Variants in MYH10 observed in about 807,000 individuals in gnomAD.
MYH10 encodes myosin-10.
Under a neutral mutation model 257.8 loss-of-function variants are expected in MYH10, and 55 were observed. The observed-to-expected ratio is 0.21, with a 90% CI of 0.17 to 0.27. MYH10 has a LOEUF of 0.27. MYH10 is among the 10% of genes least tolerant of loss of function. The pLI is 1.00. For synonymous variants in MYH10, 854 were observed against 921.7 expected (o/e 0.93, Z 1.33); for missense variants, 1,631 against 2,500.6 (o/e 0.65, Z 7.42).
chr17:8,561,354 G>A (rs1373640351), intron 7 of MYH10: 7 of 1,159,974 alleles, frequency 6.0e-6, no homozygotes, highest in East Asian at 4.7e-5. Flanking sequence ...TTCGTCATTC[G>A]AAACACAGTG....
intron 16 of MYH10, among the ~76,000 whole-genome samples, chr17:8,530,924 T>C (rs920004176): frequency 3.9e-5 from 6 of 152,210 alleles, no homozygotes; most frequent in African/African-American, 1.4e-4. Flanking sequence ...GGTGTGAGCA[T>C]TATATGATAT....
At chr17:8,536,799 A>G (rs2082154129) in intron 14 of MYH10, among the ~76,000 whole-genome samples, 1 of 43,544 alleles carries the variant, frequency 2.3e-5, no homozygotes, top group Non-Finnish European at 4.5e-5. Context: ...ACTCTGTCTC[A>G]AAAAAAAAAA....
At chr17:8,536,875 G>A (rs1281366206) in intron 14 of MYH10, among the ~76,000 whole-genome samples, 1 of 151,928 alleles carries the variant, frequency 6.6e-6, no homozygotes, top group Non-Finnish European at 1.5e-5. Context: ...TGAAGGAACA[G>A]AATGTGGAGT....
chr17:8,510,140 G>A (rs1483497205), intron 24 of MYH10, among the ~76,000 whole-genome samples, 191 bp from the exon 25 acceptor site: 2 of 149,524 alleles, frequency 1.3e-5, no homozygotes, highest in Non-Finnish European at 3.0e-5. Flanking sequence ...CTGGGTTCAC[G>A]CCATTCTCCT....
chr17:8,491,434 C>T (rs1333250348), intron 34 of MYH10, among the ~76,000 whole-genome samples: 3 of 152,182 alleles, frequency 2.0e-5, no homozygotes, highest in Non-Finnish European at 4.4e-5. Flanking sequence ...CCCTGGGCGC[C>T]AAGTTGTAGG....
intron 19 of MYH10, 36 bp from the exon 20 acceptor site, chr17:8,518,986 AT>A: frequency 6.6e-7 from 1 of 1,517,668 alleles, no homozygotes. Context: ...TTTTGTAGAA[AT>A]TTGTGAACGA....
chr17:8,610,270 GC>G (rs1363458675), intron 2 of MYH10, among the ~76,000 whole-genome samples: 10 of 8,022 alleles, frequency 1.2e-3, no homozygotes, highest in African/African-American at 0.011. Context: ...CCATAGGATT[GC>G]AAAAAAAAAA....
At chr17:8,599,040 T>G (rs2084495709) in intron 3 of MYH10, among the ~76,000 whole-genome samples, 1 of 152,232 alleles carries the variant, frequency 6.6e-6, no homozygotes, top group African/African-American at 2.4e-5. Context: ...CTGTAAGTTT[T>G]GATTTCCTCT....
intron 21 of MYH10, among the ~76,000 whole-genome samples, chr17:8,515,240 T>C (rs2081427278): frequency 6.6e-6 from 1 of 152,176 alleles, no homozygotes; most frequent in Non-Finnish European, 1.5e-5. Flanking sequence ...AGAGAAGCAA[T>C]TGAAGGCGAT....
chr17:8,610,502 T>C (rs567828509), intron 2 of MYH10, among the ~76,000 whole-genome samples: 1 of 152,112 alleles, frequency 6.6e-6, no homozygotes, highest in East Asian at 1.9e-4. Flanking sequence ...GATATAACAA[T>C]TGCTATGCTT....
chr17:8,523,557 G>A lies in MYH10; in HGVS notation c.1958-2272C>T, dbSNP rs540385960. 1.3e-3 allele frequency among the ~76,000 whole-genome samples: 203 copies of A among 152,282 alleles called. 2 individuals carry two copies. Among genetic ancestry groups the A allele is most frequent in the African/African-American group, 4.5e-3 (185 of 41,548 alleles). ...TGAAAGACCAGGGGCAGGAAGAAGC[G>A]AAGGAAGGCCAGCACGGAGGAGGAG... On this transcript the variant is annotated intron_variant, in intron 17 of 42. Transcript: ENST00000360416.
At chr17:8,626,559 T>G (rs1034225897) in intron 1 of MYH10, among the ~76,000 whole-genome samples, 20 of 142,082 alleles carry the variant, frequency 1.4e-4, no homozygotes, top group Admixed American at 2.9e-4. Flanking sequence ...AGAATGAGAC[T>G]CTGTCTCAAA....
At chr17:8,542,059 A>G in intron 14 of MYH10, 48 bp downstream of exon 14, 3 of 1,551,108 alleles carry the variant, frequency 1.9e-6, no homozygotes, top group Non-Finnish European at 2.6e-6. Context: ...ACTTAAGGTC[A>G]CTGCTTGAGT....
Position 8,569,747 on chromosome 17 carries a change from A to G in MYH10, c.729T>C (p.Thr243=), listed in dbSNP as rs780659376. 6.2e-7 allele frequency: 1 copy of G among 1,611,006 alleles called. No individual in the cohort carries two copies. Among genetic ancestry groups the G allele is most frequent in the Non-Finnish European group, 8.5e-7 (1 of 1,178,672 alleles). The stretch of plus-strand genomic sequence containing the variant: ...AACGAGATGAGTTATCATTTTTCAC[A>G]GTCTTCGCATTTCCAAATGATTCCA... ...PILESFGNAK[T]VKNDNSSRFG... is the part of the protein sequence containing the mutation. Residue 243 remains threonine, a synonymous_variant, in exon 7 of 43, where the codon ACT becomes ACC. Transcript: ENST00000360416. The surrounding 1 kb of genome is among the most constrained non-coding windows in gnomAD (Gnocchi z 4.1).
At chr17:8,598,986 C>T (rs182540563) in intron 3 of MYH10, among the ~76,000 whole-genome samples, 2 of 152,312 alleles carry the variant, frequency 1.3e-5, no homozygotes, top group East Asian at 1.9e-4. Context: ...AGATTACAGG[C>T]GTGAGCCATG....
At chr17:8,556,229 A>G (rs1282488671) in intron 7 of MYH10, among the ~76,000 whole-genome samples, 3 of 152,214 alleles carry the variant, frequency 2.0e-5, no homozygotes, top group Admixed American at 6.5e-5. Flanking sequence ...CGTCAAACAC[A>G]GATTACTCTA....
intron 6 of MYH10, among the ~76,000 whole-genome samples, chr17:8,570,967 C>T (rs934217076): frequency 2.0e-5 from 3 of 152,252 alleles, no homozygotes; most frequent in Non-Finnish European, 4.4e-5. Flanking sequence ...TCTGGACTAT[C>T]CGCATGTTCA....
intron 21 of MYH10, among the ~76,000 whole-genome samples, chr17:8,515,272 T>C (rs1248016840): frequency 1.3e-5 from 2 of 152,164 alleles, no homozygotes; most frequent in African/African-American, 4.8e-5. Context: ...GAAAAACATT[T>C]TGAATTATTC....
intron 29 of MYH10, 73 bp downstream of exon 29, chr17:8,500,753 G>A (rs1281883146): frequency 5.4e-5 from 83 of 1,540,530 alleles, no homozygotes; most frequent in Non-Finnish European, 6.7e-5. Flanking sequence ...TGAACAGAAC[G>A]GGCAGATAGG....
Sources: allele counts gnomAD v4.1 joint callset (sites outside exome capture counted in the v4.1 genomes callset), GRCh38; gene constraint gnomAD v4.1.1; non-coding constraint Gnocchi (gnomAD v3.1); transcripts MANE v1.5; gene names NCBI Gene and HGNC (gene_info 2026-07-23, HGNC 2026-07-21).